Variants in BACH2 observed in about 807,000 individuals in gnomAD.
The protein encoded by BACH2 is transcription regulator protein BACH2.
Under a neutral mutation model 61.8 loss-of-function variants are expected in BACH2, and 5 were observed. The observed-to-expected ratio is 0.08, with a 90% CI of 0.04 to 0.17. The LOEUF (loss-of-function observed/expected upper bound fraction) is 0.17. BACH2 is among the 10% of genes least tolerant of loss of function. The pLI, the probability that BACH2 is intolerant of heterozygous loss-of-function variation, is 1.00. For missense variants in BACH2, 824 were observed against 1,091.1 expected, an observed-to-expected ratio of 0.76 and a Z score of 3.45; for synonymous variants, 446 against 440.1, an observed-to-expected ratio of 1.01 and a Z score of -0.17.
intron 5 of BACH2, among the ~76,000 whole-genome samples, chr6:90,031,402 G>A (rs1365153309): frequency 6.6e-6 from 1 of 152,114 alleles, no homozygotes; most frequent in Admixed American, 6.5e-5. Flanking sequence ...TAGGAAAAGA[G>A]GAAGTCAAAT....
chr6:90,226,370 T>A (rs1356529940), intron 3 of BACH2, among the ~76,000 whole-genome samples: 2 of 152,226 alleles, frequency 1.3e-5, no homozygotes, highest in Non-Finnish European at 1.5e-5. Flanking sequence ...GGCAGTGGTA[T>A]GCTGCTAAAT....
At chr6:90,109,784 G>A (rs1196223414) in intron 4 of BACH2, among the ~76,000 whole-genome samples, 2 of 152,118 alleles carry the variant, frequency 1.3e-5, no homozygotes, top group South Asian at 2.1e-4. Context: ...ATCTTGAAAT[G>A]AACCACTTTC....
intron 3 of BACH2, among the ~76,000 whole-genome samples, chr6:90,218,860 C>T (rs1187601296): frequency 6.6e-6 from 1 of 151,622 alleles, no homozygotes; most frequent in African/African-American, 2.4e-5. Flanking sequence ...GTGAACGAGG[C>T]CTGTCAAATC....
chr6:90,175,997 C>T (rs1767972554), intron 4 of BACH2, among the ~76,000 whole-genome samples: 1 of 152,182 alleles, frequency 6.6e-6, no homozygotes, highest in Non-Finnish European at 1.5e-5. Context: ...TTGCCTTTCC[C>T]TTGGAAACTC....
intron 5 of BACH2, among the ~76,000 whole-genome samples, chr6:90,028,935 G>T (rs1240155977): frequency 1.3e-5 from 2 of 152,152 alleles, no homozygotes; most frequent in East Asian, 3.8e-4. Flanking sequence ...AATATTTTAC[G>T]TGTTTGTTTG....
At chr6:90,120,382 A>C (rs1383110953) in intron 4 of BACH2, among the ~76,000 whole-genome samples, 1 of 152,236 alleles carries the variant, frequency 6.6e-6, no homozygotes, top group Non-Finnish European at 1.5e-5. Flanking sequence ...ACAAATTTGA[A>C]ATAAAAAACC....
At chr6:90,060,532 C>A (rs1780630847) in intron 5 of BACH2, among the ~76,000 whole-genome samples, 1 of 151,978 alleles carries the variant, frequency 6.6e-6, no homozygotes, top group African/African-American at 2.4e-5. Flanking sequence ...CACCATTCAC[C>A]ATTTTTGTAG....
At chr6:90,209,504 G>A (rs1490374739) in intron 3 of BACH2, among the ~76,000 whole-genome samples, 1 of 152,062 alleles carries the variant, frequency 6.6e-6, no homozygotes. Flanking sequence ...TTCAATGTAT[G>A]TATCCATCCA....
intron 6 of BACH2, among the ~76,000 whole-genome samples, chr6:89,960,020 C>T (rs1355220492): frequency 4.6e-5 from 7 of 152,086 alleles, no homozygotes; most frequent in Admixed American, 3.3e-4. Context: ...GTGGAGTGTC[C>T]GGAAGGGGCT....
intron 5 of BACH2, among the ~76,000 whole-genome samples, chr6:90,027,133 A>G (rs1778676335): frequency 6.6e-6 from 1 of 152,196 alleles, no homozygotes; most frequent in Non-Finnish European, 1.5e-5. Flanking sequence ...GTCCCATATC[A>G]AGTAACAAAA....
chr6:90,193,800 G>T (rs751316274), intron 4 of BACH2, among the ~76,000 whole-genome samples: 2 of 152,150 alleles, frequency 1.3e-5, no homozygotes, highest in Non-Finnish European at 2.9e-5. Context: ...AATTTAAGTG[G>T]CAAGTAATTT....
intron 6 of BACH2, among the ~76,000 whole-genome samples, chr6:89,984,817 G>A (rs534517868): frequency 6.6e-6 from 1 of 152,108 alleles, no homozygotes; most frequent in East Asian, 1.9e-4. Flanking sequence ...AAAGAAACTT[G>A]TCCTAAGCAA....
At chr6:90,175,742 G>C (rs12215404) in intron 4 of BACH2, among the ~76,000 whole-genome samples, 8,684 of 152,092 alleles carry the variant, frequency 0.057, 298 homozygotes, top group South Asian at 0.11. Context: ...TGGCTAGAGA[G>C]AGACTGTCTC....
intron 1 of BACH2, among the ~76,000 whole-genome samples, chr6:90,285,334 C>T (rs758963182): frequency 6.6e-6 from 1 of 152,110 alleles, no homozygotes; most frequent in Non-Finnish European, 1.5e-5. Flanking sequence ...TCACTTGCAC[C>T]CTCGCCCCTG....
intron 4 of BACH2, among the ~76,000 whole-genome samples, chr6:90,168,055 C>T (rs563903084): frequency 4.6e-5 from 7 of 152,236 alleles, no homozygotes; most frequent in South Asian, 4.1e-4. Flanking sequence ...CTGACCACAC[C>T]GCTGATTATA....
At chr6:90,045,569 G>C (rs75340880) in intron 5 of BACH2, among the ~76,000 whole-genome samples, 4 of 152,152 alleles carry the variant, frequency 2.6e-5, no homozygotes, top group Non-Finnish European at 4.4e-5. Flanking sequence ...AATCTTTGCC[G>C]TAAGTCCGAG....
intron 5 of BACH2, among the ~76,000 whole-genome samples, chr6:90,065,422 T>C (rs768876671): frequency 3.3e-5 from 5 of 150,986 alleles, no homozygotes; most frequent in Non-Finnish European, 5.9e-5. Context: ...GAATGGGGGG[T>C]AACAACCTTT....
intron 6 of BACH2, among the ~76,000 whole-genome samples, chr6:89,998,554 A>G (rs1776974079): frequency 6.6e-6 from 1 of 152,212 alleles, no homozygotes; most frequent in African/African-American, 2.4e-5. Flanking sequence ...CTCAAAGCAA[A>G]ACAAGCCAAT....
intron 6 of BACH2, among the ~76,000 whole-genome samples, chr6:90,001,860 T>G (rs1472645714): frequency 1.3e-5 from 2 of 152,194 alleles, no homozygotes; most frequent in Non-Finnish European, 2.9e-5. Flanking sequence ...AGTACAAACA[T>G]GTTGGGATTT....
Sources: gnomAD v4.1 joint callset for allele counts (sites outside exome capture counted in the v4.1 genomes callset) on GRCh38, gnomAD v4.1.1 for gene constraint, MANE v1.5 for transcripts, NCBI Gene and HGNC (gene_info 2026-07-23, HGNC 2026-07-21) for gene names.